DYM: variants seen among roughly 807,000 people sequenced by gnomAD.
DYM encodes dyggve-Melchior-Clausen syndrome protein.
DYM carries 78 observed loss-of-function variants against 93.1 expected under a neutral mutation model. The observed-to-expected ratio is 0.84, with a 90% CI of 0.70 to 1.01. The LOEUF (loss-of-function observed/expected upper bound fraction) is 1.01. Among genes scored for constraint, DYM ranks in the 50% least tolerant of loss-of-function variants. The pLI, the probability that DYM is intolerant of heterozygous loss-of-function variation, is 0.00. For synonymous variants in DYM, 321 were observed against 319.7 expected (o/e 1.00, Z -0.04); for missense variants, 789 against 845.0 (o/e 0.93, Z 0.82).
rs765774483 is a variant in DYM at position 49,286,600 on chromosome 18, G to A, written c.780C>T (p.Val260=). ...ASGVATGLWT[V]FTLGGVGSKA... ...TGCTGCCCACACCACCTAGTGTGAA[G>A]ACAGTCCAGAGTCCTGCTGGGGAGG... The change falls in exon 9 of 18, where the codon GTC becomes GTT. Residue 260 remains valine, a synonymous_variant. Coordinates refer to ENST00000675505, the MANE Select transcript of DYM (RefSeq NM_001353214.3). 1.2e-6 allele frequency: 2 copies of A among 1,613,950 alleles called. No homozygotes were observed. The highest frequency in any genetic ancestry group is 4.5e-5 in the East Asian group (2 of 44,828).
chr18:49,074,140 T>G (rs943355962), intron 17 of DYM, among the ~76,000 whole-genome samples: 1 of 152,216 alleles, frequency 6.6e-6, no homozygotes, highest in Admixed American at 6.5e-5. Flanking sequence ...CACAGTTGGC[T>G]CTCTGTATCC....
chr18:49,138,630 T>C (rs1040657122), intron 15 of DYM, among the ~76,000 whole-genome samples: 6 of 152,180 alleles, frequency 3.9e-5, no homozygotes, highest in African/African-American at 1.4e-4. Context: ...CTATCAGTTA[T>C]ACACCACAAT....
intron 17 of DYM, among the ~76,000 whole-genome samples, chr18:49,051,481 G>A (rs948731731): frequency 2.0e-5 from 3 of 152,198 alleles, no homozygotes; most frequent in Non-Finnish European, 2.9e-5. Context: ...AAGGTCTAAA[G>A]GTGTATTCCC....
At chr18:49,142,690 T>C (rs1218245399) in intron 15 of DYM, among the ~76,000 whole-genome samples, 1 of 152,202 alleles carries the variant, frequency 6.6e-6, no homozygotes, top group Non-Finnish European at 1.5e-5. Context: ...CTTTGTCTAT[T>C]TGCATCTGGT....
intron 15 of DYM, among the ~76,000 whole-genome samples, chr18:49,123,965 A>AT (rs1055992126): frequency 6.6e-6 from 1 of 152,188 alleles, no homozygotes; most frequent in Admixed American, 6.5e-5. Flanking sequence ...GTTCATGTAT[A>AT]TTTTATACAC....
At chr18:49,330,852 G>A (rs2063256700) in intron 8 of DYM, among the ~76,000 whole-genome samples, 1 of 152,142 alleles carries the variant, frequency 6.6e-6, no homozygotes, top group Non-Finnish European at 1.5e-5. Context: ...CAGCACCAAA[G>A]GCAGAAGTGA....
intron 6 of DYM, among the ~76,000 whole-genome samples, chr18:49,361,401 T>C (rs1308069559): frequency 2.0e-5 from 3 of 152,230 alleles, no homozygotes; most frequent in East Asian, 1.9e-4. Flanking sequence ...TTTGGGGCCA[T>C]AGACAAATAG....
chr18:49,046,201 G>GAC (rs2071499757), intron 17 of DYM, among the ~76,000 whole-genome samples: 1 of 141,758 alleles, frequency 7.1e-6, no homozygotes, highest in Admixed American at 7.1e-5. Context: ...CGCACACATA[G>GAC]ACACACACAC....
intron 14 of DYM, among the ~76,000 whole-genome samples, chr18:49,188,319 C>T (rs1190971781): frequency 1.3e-5 from 2 of 152,100 alleles, no homozygotes; most frequent in African/African-American, 2.4e-5. Flanking sequence ...TGGTTCTGTC[C>T]ATTTTGTTTT....
rs1568173552 is a variant in DYM at position 49,286,525 on chromosome 18, G to A, written c.855C>T (p.Leu285=). The A allele has an allele frequency of 1.2e-6, 2 of 1,614,168 alleles. No individual in the cohort carries two copies. The highest frequency in any genetic ancestry group is 1.7e-6 in the Non-Finnish European group (2 of 1,180,008). ...GATTGGCCAACACCAGCAGAAGCAG[G>A]AGACTCTGGTTGGCCAGAGGGGAAG... is the stretch of plus-strand genomic sequence containing the variant. ...ELSSPLANQS[L]LLLLVLANLT... The change falls in exon 9 of 18, where the codon CTC becomes CTT. Residue 285 remains leucine, a synonymous_variant. Transcript: ENST00000675505.
At chr18:49,203,595 G>A (rs2092281879) in intron 14 of DYM, among the ~76,000 whole-genome samples, 1 of 142,452 alleles carries the variant, frequency 7.0e-6, no homozygotes, top group Non-Finnish European at 1.5e-5. Flanking sequence ...TGTCCACTCA[G>A]GGTTAAATGG....
At chr18:49,436,042 T>A (rs2148520159) in intron 1 of DYM, among the ~76,000 whole-genome samples, 1 of 152,306 alleles carries the variant, frequency 6.6e-6, no homozygotes, top group South Asian at 2.1e-4. Context: ...AGATAGGGTC[T>A]CACTCTGTCA....
At chr18:49,393,914 T>C (rs963683361) in intron 2 of DYM, among the ~76,000 whole-genome samples, 4 of 152,214 alleles carry the variant, frequency 2.6e-5, no homozygotes, top group South Asian at 2.1e-4. Context: ...ATTCCTCTTA[T>C]ATGAGGCTCC....
At chr18:49,163,856 T>A in intron 14 of DYM, 69 bp from the exon 15 acceptor site, 1 of 996,184 alleles carries the variant, frequency 1.0e-6, no homozygotes, top group Non-Finnish European at 1.6e-6. Context: ...TGTGGAAATA[T>A]ATAGTTCCAC....
intron 15 of DYM, among the ~76,000 whole-genome samples, chr18:49,153,379 G>C (rs2086032038): frequency 1.3e-5 from 2 of 152,150 alleles, no homozygotes; most frequent in Non-Finnish European, 2.9e-5. Flanking sequence ...TTTATTCACA[G>C]GGTTTGGCTC....
At chr18:49,452,650 G>GACACACACCAATCA in intron 1 of DYM, among the ~76,000 whole-genome samples, 1 of 140,060 alleles carries the variant, frequency 7.1e-6, no homozygotes, top group South Asian at 2.3e-4. Context: ...TCACTGCCGT[G>GACACACACCAATCA]GGCTCCTGCG....
intron 2 of DYM, among the ~76,000 whole-genome samples, chr18:49,419,627 C>T (rs1205832764): frequency 6.6e-6 from 1 of 152,126 alleles, no homozygotes; most frequent in African/African-American, 2.4e-5. Context: ...CTTTTTCATA[C>T]ACATTTCAGA....
rs543080121 is a variant in DYM, at chr18:49,124,646, T to C, written c.1729-5720A>G. On this transcript the variant is annotated intron_variant, in intron 15 of 17. Coordinates refer to ENST00000675505, the MANE Select transcript of DYM (RefSeq NM_001353214.3). ...AGAGTTATTGGGTATTTTACCAAAC[T>C]TCTCTTACATTGTTTCTGTGACAAA... Among the ~76,000 whole-genome samples, 247 of 152,354 alleles carry C rather than the reference T, an allele frequency of 1.6e-3. 5 individuals are homozygous for C. The highest frequency in any genetic ancestry group is 2.9e-4 in the Non-Finnish European group (20 of 68,032).
intron 3 of DYM, among the ~76,000 whole-genome samples, chr18:49,388,265 G>C (rs1438481479): frequency 2.6e-5 from 4 of 152,102 alleles, no homozygotes; most frequent in African/African-American, 9.7e-5. Flanking sequence ...AGGAAGCTGA[G>C]GTTGCAGTGA....
Sources: allele counts gnomAD v4.1 joint callset (sites outside exome capture counted in the v4.1 genomes callset), GRCh38; gene constraint gnomAD v4.1.1; transcripts MANE v1.5; gene names NCBI Gene and HGNC (gene_info 2026-07-23, HGNC 2026-07-21).